VWA3B: variants seen among roughly 807,000 people sequenced by gnomAD.
VWA3B encodes von Willebrand factor A domain-containing protein 3B.
In VWA3B, 138 loss-of-function variants were observed where a neutral mutation model predicts 158.3. The observed-to-expected ratio is 0.87, with a 90% CI of 0.76 to 1.00. VWA3B has a LOEUF of 1.00. VWA3B is among the 50% of genes least tolerant of loss of function. The pLI, the probability that VWA3B is intolerant of heterozygous loss-of-function variation, is 0.00. For missense variants in VWA3B, 1,555 were observed against 1,565.1 expected, an observed-to-expected ratio of 0.99 and a Z score of 0.11; for synonymous variants, 596 against 587.3, an observed-to-expected ratio of 1.01 and a Z score of -0.21.
At chr2:98,246,276 G>A (rs1375476779) in intron 19 of VWA3B, among the ~76,000 whole-genome samples, 1 of 151,990 alleles carries the variant, frequency 6.6e-6, no homozygotes, top group Non-Finnish European at 1.5e-5. Flanking sequence ...TTCAGATAAA[G>A]TTGCAGCCAC....
At chr2:98,096,530 A>G (rs1213078789) in intron 2 of VWA3B, among the ~76,000 whole-genome samples, 1 of 152,170 alleles carries the variant, frequency 6.6e-6, no homozygotes, top group African/African-American at 2.4e-5. Flanking sequence ...CGGCCTCCCA[A>G]AGTGCTGGGA....
intron 7 of VWA3B, among the ~76,000 whole-genome samples, chr2:98,161,076 G>A (rs986596498): frequency 3.3e-5 from 5 of 152,298 alleles, no homozygotes; most frequent in Middle Eastern, 3.4e-3. Context: ...GGGGTGCCCC[G>A]TAGACTGGAG....
In VWA3B at chr2:98,240,478, C is replaced by T. The variant is rs568416639; in HGVS notation, c.2673+3748C>T. Among the ~76,000 whole-genome samples, 64 of 152,292 alleles carry T rather than the reference C, an allele frequency of 4.2e-4. 1 individual carries two copies. The highest frequency in any genetic ancestry group is 1.5e-3 in the African/African-American group (64 of 41,532). ...GAAGAAATTCCCTCAAGTCAGATGGCTGGACCCAAAGGGTATGTGCATTTT... is the reference window on the plus strand; with the variant it reads ...GAAGAAATTCCCTCAAGTCAGATGGTTGGACCCAAAGGGTATGTGCATTTT... On this transcript the variant is annotated intron_variant, in intron 19 of 27. Transcript: ENST00000477737.
At chr2:98,214,221 C>A (rs548568874) in intron 13 of VWA3B, among the ~76,000 whole-genome samples, 46 of 150,326 alleles carry the variant, frequency 3.1e-4, no homozygotes, top group Non-Finnish European at 5.6e-4. Context: ...AAGCAAAACA[C>A]AAAAAAAACA....
chr2:98,237,796 T>C (rs1685801020), intron 19 of VWA3B, among the ~76,000 whole-genome samples: 1 of 152,206 alleles, frequency 6.6e-6, no homozygotes, highest in African/African-American at 2.4e-5. Context: ...ACCTGTCTCA[T>C]GCTGAAATCT....
chr2:98,280,718 C>A (rs1257986783), intron 22 of VWA3B, among the ~76,000 whole-genome samples: 1 of 152,172 alleles, frequency 6.6e-6, no homozygotes, highest in East Asian at 1.9e-4. Flanking sequence ...TATGCTATGC[C>A]CTGGGGAGGC....
chr2:98,221,936 A>G (rs1345512937), intron 14 of VWA3B, among the ~76,000 whole-genome samples: 1 of 152,168 alleles, frequency 6.6e-6, no homozygotes, highest in African/African-American at 2.4e-5. Context: ...ATTATCAATG[A>G]AAGTGAAAAA....
chr2:98,107,438 G>A (rs980851834), intron 2 of VWA3B, among the ~76,000 whole-genome samples: 3 of 151,996 alleles, frequency 2.0e-5, no homozygotes, highest in Admixed American at 1.3e-4. Flanking sequence ...GAGATAACAA[G>A]AAACAATGTA....
At chr2:98,159,500 A>G (rs544692932) in intron 7 of VWA3B, among the ~76,000 whole-genome samples, 23 of 152,050 alleles carry the variant, frequency 1.5e-4, no homozygotes, top group Non-Finnish European at 2.6e-4. Flanking sequence ...CCTCCTGCCT[A>G]GGCCTCCCAA....
intron 19 of VWA3B, among the ~76,000 whole-genome samples, chr2:98,240,098 G>A (rs990243033): frequency 2.0e-5 from 3 of 151,946 alleles, no homozygotes; most frequent in Non-Finnish European, 4.4e-5. Context: ...TCACCACTAC[G>A]CCTATCCATG....
intron 13 of VWA3B, among the ~76,000 whole-genome samples, chr2:98,216,569 A>G (rs1048801756): frequency 1.3e-5 from 2 of 152,204 alleles, no homozygotes; most frequent in Non-Finnish European, 2.9e-5. Flanking sequence ...TTGCCACTCC[A>G]GCTGATGTGT....
the VWA3B span, among the ~76,000 whole-genome samples, chr2:98,319,962 A>G: frequency 6.6e-6 from 1 of 152,144 alleles, no homozygotes; most frequent in East Asian, 1.9e-4. Context: ...TAATGTGCCA[A>G]TATGAAGTAA....
At chr2:98,188,236 T>C (rs1681286335) in intron 10 of VWA3B, 107 bp downstream of exon 10, 3 of 1,403,450 alleles carry the variant, frequency 2.1e-6, no homozygotes, top group Non-Finnish European at 1.9e-6. Flanking sequence ...ATAATGATTG[T>C]ACCTATTTAT....
downstream of VWA3B, among the ~76,000 whole-genome samples, chr2:98,316,255 T>C (rs1016090097): frequency 6.6e-6 from 1 of 152,258 alleles, no homozygotes; most frequent in South Asian, 2.1e-4. Context: ...TCTTTGAGCA[T>C]GCACCTGTCT....
rs749959672 is a variant in VWA3B at position 98,188,066 on chromosome 2, C to G, written c.1403C>G (p.Thr468Ser). 6.2e-7 allele frequency: 1 copy of G among 1,614,014 alleles called. No homozygotes were observed. The highest frequency in any genetic ancestry group is 1.1e-5 in the South Asian group (1 of 91,056). ...GGGAGCTTGGTCCACGTCAACATTA[C>G]CAAAGAGAAGTGCAAGTGGTACAGT... Reference protein sequence around the residue: ...KDGSLVHVNITKEKCKWYSER... With the variant: ...KDGSLVHVNISKEKCKWYSER... The change falls in exon 10 of 28, where the codon ACC becomes AGC. Residue 468 changes from threonine to serine, a missense_variant. Coordinates refer to ENST00000477737, the MANE Select transcript of VWA3B (RefSeq NM_144992.5).
chr2:98,316,128 T>G (rs1691079909), downstream of VWA3B, among the ~76,000 whole-genome samples: 3 of 152,220 alleles, frequency 2.0e-5, no homozygotes, highest in Admixed American at 1.3e-4. Flanking sequence ...TGTGTGTTTC[T>G]GTTCAAAGGT....
At chr2:98,102,379 C>A (rs1052948940) in intron 2 of VWA3B, among the ~76,000 whole-genome samples, 1 of 152,142 alleles carries the variant, frequency 6.6e-6, no homozygotes, top group African/African-American at 2.4e-5. Flanking sequence ...TCTCAATGGT[C>A]GCTGTCTTTT....
intron 2 of VWA3B, among the ~76,000 whole-genome samples, chr2:98,100,830 T>A (rs1017772051): frequency 1.1e-4 from 17 of 152,132 alleles, no homozygotes; most frequent in Admixed American, 3.9e-4. Context: ...GGTAAAACTA[T>A]CCTTTATACC....
intron 2 of VWA3B, among the ~76,000 whole-genome samples, chr2:98,104,555 C>T (rs1259044639): frequency 6.6e-6 from 1 of 152,186 alleles, no homozygotes; most frequent in Non-Finnish European, 1.5e-5. Context: ...TCCCATTAGG[C>T]TTCACCTCCA....
Sources: gnomAD v4.1 joint callset for allele counts (sites outside exome capture counted in the v4.1 genomes callset) on GRCh38, gnomAD v4.1.1 for gene constraint, MANE v1.5 for transcripts, NCBI Gene and HGNC (gene_info 2026-07-23, HGNC 2026-07-21) for gene names.